WDR4: variants seen among roughly 807,000 people sequenced by gnomAD.
WDR4 encodes the protein WDR4 tRNA N7-guanosine methyltransferase non-catalytic subunit.
In WDR4, 47 loss-of-function variants were observed where a neutral mutation model predicts 48.6. The ratio of observed to expected loss-of-function variants is 0.97; its 90% CI spans 0.77 to 1.23. The LOEUF is 1.23. WDR4 is among the 50% of genes most tolerant of loss of function. The pLI is 0.00. For synonymous variants in WDR4, 268 were observed against 230.0 expected (o/e 1.17, Z -1.49); for missense variants, 606 against 551.6 (o/e 1.10, Z -0.99).
chr21:42,871,410 G>A (rs1044975081), intron 3 of WDR4, among the ~76,000 whole-genome samples: 6 of 152,234 alleles, frequency 3.9e-5, no homozygotes, highest in African/African-American at 1.4e-4. Flanking sequence ...GAAAGCCCCT[G>A]CCACCTGCAG....
At chr21:42,891,516 C>G in the WDR4 span, among the ~76,000 whole-genome samples, 1 of 152,064 alleles carries the variant, frequency 6.6e-6, no homozygotes. Flanking sequence ...TGGGGAGCTC[C>G]AGGTCCATGA....
the WDR4 span, among the ~76,000 whole-genome samples, chr21:42,892,616 A>G: frequency 6.6e-6 from 1 of 152,230 alleles, no homozygotes; most frequent in African/African-American, 2.4e-5. Context: ...ACGCGGCGGA[A>G]GGCAGAGAAG....
chr21:42,886,628 A>G, the WDR4 span, among the ~76,000 whole-genome samples: 1 of 152,172 alleles, frequency 6.6e-6, no homozygotes, highest in African/African-American at 2.4e-5. Flanking sequence ...ATATATTCCC[A>G]GCCTTTTGGG....
chr21:42,850,393 T>C, intron 10 of WDR4, 151 bp from the exon 11 acceptor site: 1 of 627,072 alleles, frequency 1.6e-6, no homozygotes, highest in Admixed American at 3.5e-5. Context: ...CTCCCCACGG[T>C]GCCCACCTCC....
intron 6 of WDR4, 22 bp from the exon 7 acceptor site, chr21:42,855,802 G>T: frequency 6.5e-7 from 1 of 1,529,020 alleles, no homozygotes; most frequent in Non-Finnish European, 8.8e-7. Flanking sequence ...AAACACACAG[G>T]TTAGCACATG....
chr21:42,866,799 A>T lies in WDR4; in HGVS notation c.297-3203T>A, dbSNP rs562388869. On this transcript the variant is annotated intron_variant, in intron 3 of 10. Transcript: ENST00000398208. ...AACAATTTCACTCCACCCGATGCTG[A>T]AAAGTTCACAAACCCACAATTCTAA... Among the ~76,000 whole-genome samples the T allele has an allele frequency of 2.0e-5, 3 of 152,292 alleles. No homozygotes were observed. The East Asian group carries it at 5.8e-4, about 29-fold the overall frequency.
At chr21:42,880,468 G>A (rs1392231631), upstream of WDR4, among the ~76,000 whole-genome samples, 1 of 152,136 alleles carries the variant, frequency 6.6e-6, no homozygotes, top group Non-Finnish European at 1.5e-5. Flanking sequence ...CGCAATATAT[G>A]ATGGTGAGCC....
At chr21:42,863,669 G>C in intron 3 of WDR4, 73 bp from the exon 4 acceptor site, 1 of 1,507,782 alleles carries the variant, frequency 6.6e-7, no homozygotes, top group Non-Finnish European at 9.0e-7. Flanking sequence ...GGCAGGCCAC[G>C]TGGGCGGTGG....
At chr21:42,865,403 A>C (rs906207313) in intron 3 of WDR4, among the ~76,000 whole-genome samples, 1 of 152,130 alleles carries the variant, frequency 6.6e-6, no homozygotes, top group Non-Finnish European at 1.5e-5. Context: ...AGAGGATGCC[A>C]CAGGGAGGGG....
chr21:42,850,695 C>T (rs971159215), intron 10 of WDR4, among the ~76,000 whole-genome samples: 3 of 152,192 alleles, frequency 2.0e-5, no homozygotes, highest in Non-Finnish European at 4.4e-5. Context: ...GAGATGGCCA[C>T]CTGCAGAGAC....
intron 3 of WDR4, among the ~76,000 whole-genome samples, chr21:42,864,806 A>G (rs1292897769): frequency 6.6e-6 from 1 of 152,110 alleles, no homozygotes; most frequent in African/African-American, 2.4e-5. Flanking sequence ...TCCTCTCCAC[A>G]AGGCAGGGAC....
chr21:42,845,375 AAC>A (rs376023696), downstream of WDR4, among the ~76,000 whole-genome samples: 409 of 152,358 alleles, frequency 2.7e-3, 4 homozygotes, highest in African/African-American at 9.2e-3. Flanking sequence ...TACAGGAAGA[AAC>A]ACAGAAAGCT....
chr21:42,871,434 G>C (rs76296409), intron 3 of WDR4, among the ~76,000 whole-genome samples: 3,516 of 152,344 alleles, frequency 0.023, 122 homozygotes, highest in African/African-American at 0.079. Flanking sequence ...TCCCTGTGGA[G>C]GGGCTCAGAG....
downstream of WDR4, among the ~76,000 whole-genome samples, chr21:42,846,170 C>A (rs559542347): frequency 1.7e-4 from 26 of 151,906 alleles, 1 homozygote; most frequent in South Asian, 5.0e-3. Context: ...ATGTTCATCA[C>A]TGCACTATTC....
intron 3 of WDR4, among the ~76,000 whole-genome samples, chr21:42,863,812 GA>G (rs1156797430): frequency 4.6e-5 from 7 of 151,760 alleles, no homozygotes; most frequent in African/African-American, 1.5e-4. Context: ...TTTTCTTTAA[GA>G]AAATTGCTCC....
At chr21:42,859,913 T>A (rs1472631243) in intron 5 of WDR4, among the ~76,000 whole-genome samples, 191 bp from the exon 6 acceptor site, 1 of 152,042 alleles carries the variant, frequency 6.6e-6, no homozygotes, top group Non-Finnish European at 1.5e-5. Context: ...TGGAGGCCCC[T>A]GGACGCAGTC....
rs529321315 is a variant in WDR4 at position 42,863,923 on chromosome 21, G to T, written c.297-327C>A. 1.0e-3 allele frequency among the ~76,000 whole-genome samples: 86 copies of T among 82,162 alleles called. 2 individuals are homozygous for T. The highest frequency in any genetic ancestry group is 8.1e-3 in the African/African-American group (76 of 9,380). The allele number at this position is 82,162 out of a possible 152,430, so 53.9% of individuals were successfully genotyped here. On this transcript the variant is annotated intron_variant, in intron 3 of 10. Transcript: ENST00000398208. ...AGATTGAGACCATTCTGGCTAACAC[G>T]GTGAAAACCCCGTCTCTACTAAAAA...
chr21:42,870,808 A>G (rs2058354045), intron 3 of WDR4, among the ~76,000 whole-genome samples: 1 of 152,090 alleles, frequency 6.6e-6, no homozygotes, highest in Admixed American at 6.5e-5. Context: ...AAAAAAAATT[A>G]CCATCAGATT....
chr21:42,847,783 C>A (rs1455158474), downstream of WDR4, among the ~76,000 whole-genome samples: 1 of 152,182 alleles, frequency 6.6e-6, no homozygotes, highest in Non-Finnish European at 1.5e-5. Flanking sequence ...ATTCACAGGC[C>A]ATCTATCAGG....
Sources: gnomAD v4.1 joint callset for allele counts (sites outside exome capture counted in the v4.1 genomes callset) on GRCh38, gnomAD v4.1.1 for gene constraint, MANE v1.5 for transcripts, NCBI Gene and HGNC (gene_info 2026-07-23, HGNC 2026-07-21) for gene names.